Variants in TUSC3 observed in about 807,000 individuals in gnomAD.
TUSC3 encodes the protein dolichyl-diphosphooligosaccharide--protein glycosyltransferase subunit TUSC3.
A neutral mutation model predicts 44.8 loss-of-function variants in TUSC3; 45 were observed. The ratio of observed to expected loss-of-function variants is 1.00; its 90% CI spans 0.79 to 1.29. TUSC3 has a LOEUF of 1.29. TUSC3 is among the 50% of genes most tolerant of loss of function. TUSC3 has a pLI of 0.00. For missense variants in TUSC3, 519 were observed against 437.9 expected (o/e 1.19, Z -1.65); for synonymous variants, 212 against 152.9 (o/e 1.39, Z -2.85).
chr8:15,454,883 C>G (rs1433699124), intron 1 of TUSC3, among the ~76,000 whole-genome samples: 1 of 151,654 alleles, frequency 6.6e-6, no homozygotes, highest in African/African-American at 2.4e-5. Flanking sequence ...GCATAATTTC[C>G]AAGTTCACGT....
At chr8:15,749,107 T>A (rs1337548073) in intron 9 of TUSC3, among the ~76,000 whole-genome samples, 1 of 124,636 alleles carries the variant, frequency 8.0e-6, no homozygotes, top group Non-Finnish European at 1.7e-5. Flanking sequence ...TTTTCCTCCT[T>A]CAAGTTTTCT....
chr8:15,758,916 A>G (rs990089084), intron 10 of TUSC3, among the ~76,000 whole-genome samples: 3 of 152,078 alleles, frequency 2.0e-5, no homozygotes, highest in Non-Finnish European at 4.4e-5. Flanking sequence ...AAAGGCCTAG[A>G]TTTCTTTAGG....
chr8:15,422,721 A>G (rs1481562579), intron 1 of TUSC3, among the ~76,000 whole-genome samples: 1 of 152,040 alleles, frequency 6.6e-6, no homozygotes, highest in Non-Finnish European at 1.5e-5. Context: ...ATATGATCAA[A>G]GGTCACTGTA....
At chr8:15,606,960 C>T (rs1804556236) in intron 1 of TUSC3, among the ~76,000 whole-genome samples, 4 of 151,456 alleles carry the variant, frequency 2.6e-5, no homozygotes, top group East Asian at 1.9e-4. Context: ...TATATATATA[C>T]TTATAAAACA....
intron 1 of TUSC3, among the ~76,000 whole-genome samples, chr8:15,428,749 T>C (rs1478387134): frequency 6.6e-6 from 1 of 152,226 alleles, no homozygotes; most frequent in Admixed American, 6.5e-5. Flanking sequence ...CATGTGTCTT[T>C]TGGCTGCATA....
At chr8:15,493,550 A>C (rs979310018) in intron 2 of TUSC3, among the ~76,000 whole-genome samples, 1 of 152,198 alleles carries the variant, frequency 6.6e-6, no homozygotes, top group Admixed American at 6.5e-5. Flanking sequence ...GGTGTGAGCT[A>C]CTGAGCCCAG....
the TUSC3 span, among the ~76,000 whole-genome samples, chr8:15,803,596 C>A: frequency 6.6e-6 from 1 of 152,078 alleles, no homozygotes; most frequent in Non-Finnish European, 1.5e-5. Context: ...GCTGAACGTG[C>A]AGGTTTGTTA....
intron 3 of TUSC3, among the ~76,000 whole-genome samples, chr8:15,654,568 T>C (rs185252054): frequency 1.3e-5 from 2 of 152,132 alleles, no homozygotes; most frequent in African/African-American, 2.4e-5. Context: ...AATGAACTTA[T>C]TAAAAAAGGT....
chr8:15,744,638 A>C (rs1811326920), intron 8 of TUSC3, among the ~76,000 whole-genome samples: 1 of 152,130 alleles, frequency 6.6e-6, no homozygotes, highest in African/African-American at 2.4e-5. Flanking sequence ...TTTTGATGTA[A>C]TACACAGTTT....
Position 15,532,926 on chromosome 8 carries a change from G to A in TUSC3, n.189+49443G>A, listed in dbSNP as rs185876019. On this transcript the variant is annotated intron_variant and non_coding_transcript_variant, in intron 2 of 5. Transcript: ENST00000503191. ...TCCTGCCTCCACTTCTTGAGTAGCC[G>A]GGATTACAGGTGCCTGTCACCATGC... is the stretch of plus-strand genomic sequence containing the variant. 2.2e-3 allele frequency among the ~76,000 whole-genome samples: 342 copies of A among 152,228 alleles called. 3 individuals carry two copies. Among genetic ancestry groups the A allele is most frequent in the African/African-American group, 7.7e-3 (318 of 41,532 alleles).
chr8:15,514,422 A>G (rs1326893070), intron 2 of TUSC3, among the ~76,000 whole-genome samples: 2 of 152,216 alleles, frequency 1.3e-5, no homozygotes, highest in African/African-American at 4.8e-5. Flanking sequence ...AAAGCATATA[A>G]AATAAAATAT....
the TUSC3 span, among the ~76,000 whole-genome samples, chr8:15,795,859 C>A: frequency 6.6e-6 from 1 of 152,212 alleles, no homozygotes; most frequent in Admixed American, 6.5e-5. Flanking sequence ...CCAGTCCAAT[C>A]TGTCCTTTAT....
At chr8:15,450,536 T>C (rs1800184049) in intron 1 of TUSC3, among the ~76,000 whole-genome samples, 1 of 151,982 alleles carries the variant, frequency 6.6e-6, no homozygotes. Context: ...ATACAAAAAT[T>C]CACCCCACCT....
chr8:15,492,751 A>G (rs1349059986), intron 2 of TUSC3, among the ~76,000 whole-genome samples: 3 of 152,028 alleles, frequency 2.0e-5, no homozygotes, highest in Non-Finnish European at 2.9e-5. Flanking sequence ...TGCCTGGGCA[A>G]TATAGTGAGA....
chr8:15,603,074 A>C (rs969788686), intron 1 of TUSC3, among the ~76,000 whole-genome samples: 2 of 151,598 alleles, frequency 1.3e-5, no homozygotes, highest in Non-Finnish European at 3.0e-5. Context: ...ACCATAAGTA[A>C]ATTGATATGT....
At chr8:15,720,661 C>T (rs190350904) in intron 6 of TUSC3, among the ~76,000 whole-genome samples, 1 of 152,108 alleles carries the variant, frequency 6.6e-6, no homozygotes, top group Non-Finnish European at 1.5e-5. Flanking sequence ...CATTAGATTT[C>T]TAAAGCTGCT....
chr8:15,819,803 T>C, the TUSC3 span, among the ~76,000 whole-genome samples: 1 of 152,324 alleles, frequency 6.6e-6, no homozygotes, highest in African/African-American at 2.4e-5. Flanking sequence ...AATGTGGGCA[T>C]TCTAGAAAGG....
At chr8:15,457,883 CTAAT>C (rs1484578440) in intron 1 of TUSC3, among the ~76,000 whole-genome samples, 2 of 141,384 alleles carry the variant, frequency 1.4e-5, no homozygotes, top group South Asian at 2.2e-4. Flanking sequence ...TAGATAATTA[CTAAT>C]TAATTAATTA....
At chr8:15,829,651 G>C in the TUSC3 span, among the ~76,000 whole-genome samples, 1 of 151,854 alleles carries the variant, frequency 6.6e-6, no homozygotes, top group Admixed American at 6.6e-5. Flanking sequence ...ATACTCCTGA[G>C]TTTTGTGTCA....
Sources: allele counts gnomAD v4.1 joint callset (sites outside exome capture counted in the v4.1 genomes callset), GRCh38; gene constraint gnomAD v4.1.1; transcripts MANE v1.5; gene names NCBI Gene and HGNC (gene_info 2026-07-23, HGNC 2026-07-21).